The following CDH13 variants were observed in gnomAD, a reference collection of about 807,000 sequenced individuals.
CDH13 encodes cadherin-13.
CDH13 carries 24 observed loss-of-function variants against 63.8 expected under a neutral mutation model. That is an observed-to-expected ratio of 0.38 (90% CI 0.27 to 0.53). The LOEUF is 0.53. Among genes scored for constraint, CDH13 ranks in the 20% least tolerant of loss-of-function variants. The probability of loss-of-function intolerance (pLI) is 0.85; values close to 1 mark genes in which losing one functional copy is unlikely to be tolerated. For synonymous variants in CDH13, 503 were observed against 355.3 expected (o/e 1.42, Z -4.67); for missense variants, 1,049 against 903.1 (o/e 1.16, Z -2.07).
chr16:83,186,155 A>G (rs1348064738), intron 4 of CDH13, among the ~76,000 whole-genome samples: 1 of 141,064 alleles, frequency 7.1e-6, no homozygotes, highest in East Asian at 2.1e-4. Context: ...ATTTTATTTG[A>G]GACAGAATCT....
chr16:83,305,059 C>T (rs1172122820), intron 5 of CDH13, among the ~76,000 whole-genome samples: 1 of 152,186 alleles, frequency 6.6e-6, no homozygotes, highest in African/African-American at 2.4e-5. Flanking sequence ...ACAGAATGCT[C>T]TCAATGTAAG....
At chr16:82,674,058 G>T (rs1440776182) in intron 1 of CDH13, among the ~76,000 whole-genome samples, 1 of 152,192 alleles carries the variant, frequency 6.6e-6, no homozygotes, top group African/African-American at 2.4e-5. Context: ...TGGTCCTGTT[G>T]TTTGTGTTTT....
chr16:83,777,313 C>G (rs1019561529), intron 11 of CDH13, among the ~76,000 whole-genome samples: 2 of 152,240 alleles, frequency 1.3e-5, no homozygotes, highest in Non-Finnish European at 2.9e-5. Flanking sequence ...CTCCAGGAGC[C>G]CATGCCATCC....
At chr16:83,608,718 G>A (rs1908585398) in intron 8 of CDH13, among the ~76,000 whole-genome samples, 1 of 149,498 alleles carries the variant, frequency 6.7e-6, no homozygotes, top group Non-Finnish European at 1.5e-5. Flanking sequence ...ATGTTCCTCG[G>A]GCTGGTCTTG....
At chr16:82,875,155 A>C (rs1055604971) in intron 2 of CDH13, among the ~76,000 whole-genome samples, 3 of 152,218 alleles carry the variant, frequency 2.0e-5, no homozygotes, top group African/African-American at 7.2e-5. Context: ...AAAGTGTCAC[A>C]AAGTTTTTGC....
chr16:83,395,446 T>G (rs1231909782), intron 6 of CDH13, among the ~76,000 whole-genome samples: 1 of 152,106 alleles, frequency 6.6e-6, no homozygotes, highest in African/African-American at 2.4e-5. Context: ...GTCTGGAAGG[T>G]TTGATACCAA....
chr16:83,233,036 G>C (rs1299430808), intron 5 of CDH13, among the ~76,000 whole-genome samples: 1 of 152,304 alleles, frequency 6.6e-6, no homozygotes, highest in East Asian at 1.9e-4. Context: ...TTTCATGGAG[G>C]TCAGTGTGAA....
chr16:82,993,075 C>A (rs1204596627), intron 2 of CDH13, among the ~76,000 whole-genome samples: 2 of 152,256 alleles, frequency 1.3e-5, no homozygotes, highest in East Asian at 1.9e-4. Flanking sequence ...TTACCAGGCC[C>A]TATCTTCTGA....
chr16:83,008,383 C>T (rs1168370199), intron 2 of CDH13, among the ~76,000 whole-genome samples: 1 of 152,108 alleles, frequency 6.6e-6, no homozygotes, highest in Non-Finnish European at 1.5e-5. Context: ...GGGGGAATTG[C>T]ACTGTAGGCA....
chr16:83,427,446 G>T (rs79882103), intron 6 of CDH13, among the ~76,000 whole-genome samples: 1,898 of 152,200 alleles, frequency 0.012, 43 homozygotes, highest in African/African-American at 0.043. Flanking sequence ...GAAAAGGCAA[G>T]AAACGAATTC....
At position 83,235,171 on chromosome 16, in the gene CDH13, T is replaced by C. The variant is rs142880937; in HGVS notation, c.636+17674T>C. Among the ~76,000 whole-genome samples the C allele has an allele frequency of 4.8e-4, 73 of 152,258 alleles. No individual in the cohort carries two copies. The East Asian group carries it at 0.014, about 29-fold the overall frequency. On this transcript the variant is annotated intron_variant, in intron 5 of 13. Coordinates refer to ENST00000567109, the MANE Select transcript of CDH13 (RefSeq NM_001257.5). ...GGTGAACTATGATTACATAACTGCA[T>C]TCCAGCCTGGGTAACAGAGTGAGAC...
At chr16:83,040,058 C>G (rs1387506530) in intron 3 of CDH13, among the ~76,000 whole-genome samples, 12 of 151,686 alleles carry the variant, frequency 7.9e-5, no homozygotes. Flanking sequence ...TAATGCTGAG[C>G]TCCTGAGCTG....
chr16:83,695,076 G>A (rs759165937), intron 10 of CDH13, among the ~76,000 whole-genome samples: 5 of 152,002 alleles, frequency 3.3e-5, no homozygotes, highest in East Asian at 1.9e-4. Flanking sequence ...GTGTGGTGGC[G>A]CGTGCCCATA....
chr16:83,635,161 G>A (rs1911141480), intron 8 of CDH13, among the ~76,000 whole-genome samples: 1 of 152,054 alleles, frequency 6.6e-6, no homozygotes, highest in African/African-American at 2.4e-5. Context: ...ATAGCAATAT[G>A]ATGTTAATTT....
Position 83,577,392 on chromosome 16 carries a change from T to C in CDH13, c.961-25062T>C, listed in dbSNP as rs201774346. Among the ~76,000 whole-genome samples the C allele has an allele frequency of 6.6e-5, 10 of 152,378 alleles. No homozygotes were observed. The East Asian group carries it at 1.3e-3, about 21-fold the overall frequency. On this transcript the variant is annotated intron_variant, in intron 7 of 13. Transcript: ENST00000567109. Reference sequence around the variant, plus strand: ...TGCCAATTAACATTTACTTGAATTCTTGGTTCCCTCCCCAGCAGCTGTTGG... The same window carrying C: ...TGCCAATTAACATTTACTTGAATTCCTGGTTCCCTCCCCAGCAGCTGTTGG...
At chr16:83,191,717 C>T (rs1336843239) in intron 4 of CDH13, among the ~76,000 whole-genome samples, 1 of 151,594 alleles carries the variant, frequency 6.6e-6, no homozygotes, top group Non-Finnish European at 1.5e-5. Context: ...AGGAAGCATC[C>T]AGCATGGGCG....
chr16:83,626,092 C>G (rs527487209), intron 8 of CDH13, among the ~76,000 whole-genome samples: 1 of 151,840 alleles, frequency 6.6e-6, no homozygotes, highest in South Asian at 2.1e-4. Flanking sequence ...TTCACTGCAG[C>G]CTCCACCTCC....
At chr16:83,350,756 C>T (rs1028795739) in intron 6 of CDH13, among the ~76,000 whole-genome samples, 4 of 152,170 alleles carry the variant, frequency 2.6e-5, no homozygotes, top group African/African-American at 7.2e-5. Flanking sequence ...GGAGGCTCAT[C>T]TCGGGAGGGG....
chr16:83,792,144 A>G (rs191204985), intron 13 of CDH13, among the ~76,000 whole-genome samples: 15 of 152,336 alleles, frequency 9.8e-5, no homozygotes, highest in African/African-American at 3.6e-4. Flanking sequence ...CTGCAAAGGC[A>G]TTAAACCCAG....
Sources: gnomAD v4.1 joint callset for allele counts (sites outside exome capture counted in the v4.1 genomes callset) on GRCh38, gnomAD v4.1.1 for gene constraint, MANE v1.5 for transcripts, NCBI Gene and HGNC (gene_info 2026-07-23, HGNC 2026-07-21) for gene names.